PPIH: variants seen among roughly 807,000 people sequenced by gnomAD.
PPIH encodes the protein peptidyl-prolyl cis-trans isomerase H.
Under a neutral mutation model 27.6 loss-of-function variants are expected in PPIH, and 16 were observed. That is an observed-to-expected ratio of 0.58 (90% CI 0.39 to 0.88). The LOEUF (loss-of-function observed/expected upper bound fraction) is 0.88. Ranked by LOEUF, PPIH falls within the 40% of genes least tolerant of loss-of-function variation. The probability of loss-of-function intolerance (pLI) is 0.00; values close to 1 mark genes in which losing one functional copy is unlikely to be tolerated. For synonymous variants in PPIH, 63 were observed against 76.1 expected, an observed-to-expected ratio of 0.83 and a Z score of 0.90; for missense variants, 155 against 224.1, an observed-to-expected ratio of 0.69 and a Z score of 1.97.
At chr1:42,666,624 T>C (rs757276149) in intron 8 of PPIH, 37 bp downstream of exon 8, 4 of 1,601,564 alleles carry the variant, frequency 2.5e-6, no homozygotes, top group Non-Finnish European at 3.4e-6. Context: ...TCTCTGCCAT[T>C]GTGGTCTGGT....
intron 5 of PPIH, among the ~76,000 whole-genome samples, chr1:42,663,713 A>G (rs995826707): frequency 9.9e-5 from 15 of 152,172 alleles, no homozygotes; most frequent in Non-Finnish European, 2.1e-4. Context: ...TCTTTCTAAT[A>G]TACAGACTTG....
Position 42,666,504 on chromosome 1 carries a change from C to T in PPIH, c.425-43C>T, listed in dbSNP as rs572838617. The stretch of plus-strand genomic sequence containing the variant: ...AATGGGCTTTGGAAGCTGGAAAATG[C>T]TATGTAAACAAGAATAAAGTCCAGC... On this transcript the variant is annotated intron_variant, in intron 7 of 9. Coordinates refer to ENST00000304979, the MANE Select transcript of PPIH (RefSeq NM_006347.4). 7 of 1,590,748 alleles carry T rather than the reference C, an allele frequency of 4.4e-6. No homozygotes were observed. In the East Asian group the frequency reaches 1.3e-4, roughly 31 times the overall value.
At chr1:42,665,719 A>G (rs559172861) in intron 6 of PPIH, among the ~76,000 whole-genome samples, 1 of 151,844 alleles carries the variant, frequency 6.6e-6, no homozygotes, top group African/African-American at 2.4e-5. Context: ...GTGTGGTGAC[A>G]CACACCTGTA....
intron 6 of PPIH, among the ~76,000 whole-genome samples, chr1:42,665,248 A>G (rs1394958138): frequency 1.3e-5 from 2 of 152,092 alleles, no homozygotes; most frequent in Non-Finnish European, 2.9e-5. Flanking sequence ...TACTAAAAAT[A>G]CAAAAAATTA....
At chr1:42,671,020 T>A (rs1055932193) in intron 9 of PPIH, among the ~76,000 whole-genome samples, 1 of 152,190 alleles carries the variant, frequency 6.6e-6, no homozygotes, top group Non-Finnish European at 1.5e-5. Flanking sequence ...GGTCTTGAAC[T>A]CCTAAGCTCA....
At chr1:42,663,293 G>A (rs1227377732) in intron 5 of PPIH, among the ~76,000 whole-genome samples, 1 of 152,172 alleles carries the variant, frequency 6.6e-6, no homozygotes, top group African/African-American at 2.4e-5. Context: ...CATGATAACT[G>A]TAAAGAGTAG....
chr1:42,670,779 TA>T (rs1304836510), intron 9 of PPIH, among the ~76,000 whole-genome samples: 1 of 152,032 alleles, frequency 6.6e-6, no homozygotes, highest in Non-Finnish European at 1.5e-5. Flanking sequence ...ACTAAACTGT[TA>T]ACTTTTTATT....
intron 5 of PPIH, 176 bp downstream of exon 5, chr1:42,661,080 C>A: frequency 1.7e-6 from 1 of 598,998 alleles, no homozygotes; most frequent in South Asian, 2.1e-5. Flanking sequence ...CTGGGTACGA[C>A]TGACTGTAGA....
chr1:42,672,840 G>T (rs374611746), intron 9 of PPIH, among the ~76,000 whole-genome samples: 1 of 152,002 alleles, frequency 6.6e-6, no homozygotes, highest in Non-Finnish European at 1.5e-5. Flanking sequence ...GTAGAGACAG[G>T]GTTTCACCAA....
downstream of PPIH, among the ~76,000 whole-genome samples, chr1:42,677,966 G>T (rs918163399): frequency 6.6e-6 from 1 of 152,210 alleles, no homozygotes; most frequent in South Asian, 2.1e-4. Context: ...CAAGAGCAAA[G>T]GTAGCAAACA....
At chr1:42,667,683 T>G (rs1229853877) in intron 9 of PPIH, among the ~76,000 whole-genome samples, 2 of 152,224 alleles carry the variant, frequency 1.3e-5, no homozygotes, top group Non-Finnish European at 2.9e-5. Flanking sequence ...AGCACTTTAC[T>G]TTTCTATCAC....
At chr1:42,662,470 G>C (rs942802948) in intron 5 of PPIH, among the ~76,000 whole-genome samples, 2 of 151,846 alleles carry the variant, frequency 1.3e-5, no homozygotes, top group Non-Finnish European at 1.5e-5. Context: ...GATCCCTTGA[G>C]CCCAGGAGGT....
chr1:42,659,110 C>A, intron 2 of PPIH, 118 bp from the exon 3 acceptor site: 1 of 1,494,842 alleles, frequency 6.7e-7, no homozygotes, highest in South Asian at 1.2e-5. Flanking sequence ...CGTGTCTGGA[C>A]GTCTGGCTGG....
intron 4 of PPIH, among the ~76,000 whole-genome samples, chr1:42,660,479 A>G (rs377110445): frequency 2.0e-5 from 3 of 152,188 alleles, no homozygotes; most frequent in Admixed American, 6.5e-5. Flanking sequence ...GCCCAGGCTA[A>G]AGTGCAGTGG....
At chr1:42,659,674 A>G in intron 4 of PPIH, 108 bp downstream of exon 4, 3 of 1,486,688 alleles carry the variant, frequency 2.0e-6, no homozygotes, top group Non-Finnish European at 2.7e-6. Context: ...TTTCTTGAGA[A>G]GAAATGTTTT....
downstream of PPIH, among the ~76,000 whole-genome samples, chr1:42,676,994 C>A (rs763088220): frequency 3.9e-5 from 6 of 152,126 alleles, no homozygotes; most frequent in Non-Finnish European, 8.8e-5. Flanking sequence ...AGCCCCAGGA[C>A]TTTACAGCTC....
At position 42,664,824 on chromosome 1, in the gene PPIH, A is replaced by G. The variant is rs115813724; in HGVS notation, c.244-39A>G. The G allele has an allele frequency of 1.6e-3, 2,417 of 1,539,258 alleles. 34 individuals carry two copies. The African/African-American group carries it at 0.028, about 18-fold the overall frequency. On this transcript the variant is annotated intron_variant, in intron 5 of 9. Coordinates refer to ENST00000304979, the MANE Select transcript of PPIH (RefSeq NM_006347.4). ...TCTTCCTCCGGTTTCCAGGGACCCA[A>G]CACTCCAAGTCACTAATACTTCCCT...
chr1:42,661,827 T>C (rs1350628875), intron 5 of PPIH, among the ~76,000 whole-genome samples: 1 of 152,028 alleles, frequency 6.6e-6, no homozygotes, highest in African/African-American at 2.4e-5. Flanking sequence ...TGTATAACTG[T>C]GAAATGGCAC....
chr1:42,678,399 G>A (rs1049861667), downstream of PPIH, among the ~76,000 whole-genome samples: 7 of 152,134 alleles, frequency 4.6e-5, no homozygotes, highest in Admixed American at 3.3e-4. Context: ...GGATATTTGG[G>A]TTTTTTGTTT....
Sources: allele counts gnomAD v4.1 joint callset (sites outside exome capture counted in the v4.1 genomes callset), GRCh38; gene constraint gnomAD v4.1.1; transcripts MANE v1.5; gene names NCBI Gene and HGNC (gene_info 2026-07-23, HGNC 2026-07-21).